DAB1: variants seen among roughly 807,000 people sequenced by gnomAD.
DAB1 encodes disabled homolog 1.
In DAB1, 15 loss-of-function variants were observed where a neutral mutation model predicts 64.6. The observed-to-expected ratio is 0.23, with a 90% CI of 0.16 to 0.36. The LOEUF (loss-of-function observed/expected upper bound fraction) is 0.36, where lower values mean the gene tolerates loss of function less well. DAB1 is among the 10% of genes least tolerant of loss of function. The pLI is 1.00. For missense variants in DAB1, 596 were observed against 706.7 expected, an observed-to-expected ratio of 0.84 and a Z score of 1.78; for synonymous variants, 235 against 251.9, an observed-to-expected ratio of 0.93 and a Z score of 0.64.
At chr1:57,452,361 T>G (rs985492949) in intron 7 of DAB1, among the ~76,000 whole-genome samples, 2 of 152,070 alleles carry the variant, frequency 1.3e-5, no homozygotes, top group African/African-American at 4.8e-5. Flanking sequence ...AATTCTAGCT[T>G]ACTCTTTAGG....
chr1:58,532,222 G>A (rs1278297534), intron 1 of DAB1, among the ~76,000 whole-genome samples: 1 of 152,142 alleles, frequency 6.6e-6, no homozygotes, highest in African/African-American at 2.4e-5. Context: ...ATATTGTGCT[G>A]ACAATGTTTA....
At chr1:57,582,478 C>T (rs1270177004) in intron 7 of DAB1, among the ~76,000 whole-genome samples, 2 of 152,178 alleles carry the variant, frequency 1.3e-5, no homozygotes, top group Non-Finnish European at 2.9e-5. Flanking sequence ...TGGGTGGGGA[C>T]ATGGAGCTAA....
At chr1:57,510,708 C>A (rs1373973672) in intron 7 of DAB1, among the ~76,000 whole-genome samples, 1 of 152,094 alleles carries the variant, frequency 6.6e-6, no homozygotes, top group Non-Finnish European at 1.5e-5. Context: ...CCTTTTTTCA[C>A]ATTCTTTCTG....
At chr1:57,839,220 C>T (rs1367382533) in intron 1 of DAB1, among the ~76,000 whole-genome samples, 1 of 152,142 alleles carries the variant, frequency 6.6e-6, no homozygotes, top group East Asian at 1.9e-4. Flanking sequence ...TAAATAACCA[C>T]CCATCTAAGT....
At chr1:58,539,169 T>C (rs1180979708) in intron 1 of DAB1, 1 of 872,998 alleles carries the variant, frequency 1.1e-6, no homozygotes, top group Non-Finnish European at 2.0e-6. Flanking sequence ...TATGGTTAAC[T>C]TGTACTTGAT....
chr1:57,903,799 C>G (rs1045481449), intron 5 of DAB1, among the ~76,000 whole-genome samples: 1 of 152,172 alleles, frequency 6.6e-6, no homozygotes, highest in Non-Finnish European at 1.5e-5. Context: ...AAGCACAAAG[C>G]AGCAGCACAA....
intron 5 of DAB1, among the ~76,000 whole-genome samples, chr1:57,923,472 G>C (rs901228730): frequency 7.2e-5 from 11 of 152,100 alleles, no homozygotes; most frequent in African/African-American, 2.7e-4. Flanking sequence ...CTGCAGTTAG[G>C]GTTGTAGTCC....
chr1:57,330,776 C>T (rs1328697451), intron 1 of DAB1, among the ~76,000 whole-genome samples: 1 of 151,842 alleles, frequency 6.6e-6, no homozygotes, highest in African/African-American at 2.4e-5. Context: ...TGGTCTGGAG[C>T]TCCACACTAT....
chr1:57,338,486 A>T (rs779488547), intron 1 of DAB1, among the ~76,000 whole-genome samples: 1 of 152,198 alleles, frequency 6.6e-6, no homozygotes, highest in Non-Finnish European at 1.5e-5. Flanking sequence ...CTTCTTTTGC[A>T]GTGGTCATTC....
intron 1 of DAB1, among the ~76,000 whole-genome samples, chr1:57,312,061 A>T (rs1339784124): frequency 1.3e-5 from 2 of 152,212 alleles, no homozygotes. Flanking sequence ...TTGTTCCTTC[A>T]TAACTGACTG....
intron 1 of DAB1, chr1:57,307,365 C>G (rs1674272591): frequency 6.6e-6 from 1 of 152,230 alleles, no homozygotes; most frequent in African/African-American, 2.4e-5. Context: ...ATTAGATTAT[C>G]AGCCCTAGTA....
chr1:57,683,396 C>T (rs1460961561), intron 6 of DAB1, among the ~76,000 whole-genome samples: 1 of 152,150 alleles, frequency 6.6e-6, no homozygotes, highest in Non-Finnish European at 1.5e-5. Flanking sequence ...TCTCTCCCCA[C>T]CCTCCACCAC....
chr1:57,305,327 G>A (rs1674044160), intron 1 of DAB1, among the ~76,000 whole-genome samples: 1 of 152,238 alleles, frequency 6.6e-6, no homozygotes, highest in African/African-American at 2.4e-5. Flanking sequence ...CAGGGAGAAA[G>A]AAGCTGAAAA....
chr1:58,317,755 G>C (rs1180570298), intron 4 of DAB1, among the ~76,000 whole-genome samples: 1 of 152,218 alleles, frequency 6.6e-6, no homozygotes, highest in Non-Finnish European at 1.5e-5. Flanking sequence ...GAGCCTGTCT[G>C]GACTGAGAAC....
At chr1:57,699,314 C>T (rs1646881145) in intron 6 of DAB1, among the ~76,000 whole-genome samples, 1 of 152,160 alleles carries the variant, frequency 6.6e-6, no homozygotes, top group African/African-American at 2.4e-5. Context: ...GGTTATTCTT[C>T]TTATCCTTAC....
intron 4 of DAB1, among the ~76,000 whole-genome samples, chr1:58,250,773 C>T (rs955954491): frequency 7.9e-5 from 12 of 152,176 alleles, no homozygotes; most frequent in Non-Finnish European, 1.5e-4. Context: ...AGTGTCTGCT[C>T]CCCTGGGAAG....
At chr1:57,492,275 A>C (rs1272133260) in intron 7 of DAB1, among the ~76,000 whole-genome samples, 1 of 152,230 alleles carries the variant, frequency 6.6e-6, no homozygotes, top group African/African-American at 2.4e-5. Flanking sequence ...TTTGGAATTT[A>C]TGTTCCAGCA....
intron 2 of DAB1, among the ~76,000 whole-genome samples, chr1:57,146,993 A>G (rs1659203463): frequency 6.6e-6 from 1 of 151,526 alleles, no homozygotes; most frequent in South Asian, 2.1e-4. Flanking sequence ...ATGTATTTAC[A>G]TGGTAACTTT....
chr1:57,263,797 T>C (rs180891167), intron 2 of DAB1, among the ~76,000 whole-genome samples: 156 of 152,304 alleles, frequency 1.0e-3, no homozygotes, highest in Non-Finnish European at 1.7e-3. Context: ...TGTTATCTCA[T>C]TAAATCTTGA....
Sources: gnomAD v4.1 joint callset for allele counts (sites outside exome capture counted in the v4.1 genomes callset) on GRCh38, gnomAD v4.1.1 for gene constraint, MANE v1.5 for transcripts, NCBI Gene and HGNC (gene_info 2026-07-23, HGNC 2026-07-21) for gene names.